Variants in TANC2 observed in about 807,000 individuals in gnomAD.
TANC2 encodes protein TANC2.
TANC2 carries 26 observed loss-of-function variants against 210.5 expected under a neutral mutation model. The observed-to-expected ratio is 0.12, with a 90% CI of 0.09 to 0.17. The LOEUF (loss-of-function observed/expected upper bound fraction) is 0.17, where lower values mean the gene tolerates loss of function less well. Among genes scored for constraint, TANC2 ranks in the 10% least tolerant of loss-of-function variants. The pLI, the probability that TANC2 is intolerant of heterozygous loss-of-function variation, is 1.00. For synonymous variants in TANC2, 931 were observed against 967.1 expected (o/e 0.96, Z 0.69); for missense variants, 2,129 against 2,608.9 (o/e 0.82, Z 4.01).
intron 2 of TANC2, among the ~76,000 whole-genome samples, chr17:63,039,892 A>G (rs1183671323): frequency 6.6e-6 from 1 of 152,158 alleles, no homozygotes; most frequent in Non-Finnish European, 1.5e-5. Flanking sequence ...TATTTATACT[A>G]AACATGTGTA....
chr17:63,245,544 C>G (rs2042891564), intron 8 of TANC2, among the ~76,000 whole-genome samples: 1 of 151,842 alleles, frequency 6.6e-6, no homozygotes, highest in Non-Finnish European at 1.5e-5. Flanking sequence ...CCCGTCTCTA[C>G]TAAAAATACA....
chr17:63,295,970 C>T (rs955879238), intron 9 of TANC2, among the ~76,000 whole-genome samples: 1 of 152,108 alleles, frequency 6.6e-6, no homozygotes, highest in African/African-American at 2.4e-5. Context: ...GCTGATCTTT[C>T]TATTTCCTGT....
At chr17:63,185,107 A>T (rs893253158) in intron 5 of TANC2, among the ~76,000 whole-genome samples, 2 of 151,384 alleles carry the variant, frequency 1.3e-5, no homozygotes, top group Admixed American at 6.6e-5. Flanking sequence ...CCATCCTCTT[A>T]CTTTACCCAC....
intron 5 of TANC2, among the ~76,000 whole-genome samples, chr17:63,191,031 C>T (rs1276322653): frequency 6.6e-6 from 1 of 151,868 alleles, no homozygotes; most frequent in African/African-American, 2.4e-5. Flanking sequence ...ACTGGCCAGA[C>T]TTTTTTCTCC....
intron 4 of TANC2, among the ~76,000 whole-genome samples, chr17:63,128,124 A>G (rs1261633916): frequency 1.3e-5 from 2 of 152,208 alleles, no homozygotes; most frequent in Non-Finnish European, 2.9e-5. Flanking sequence ...TTCTAGGAAA[A>G]TTATGTTAAA....
chr17:63,256,244 T>C (rs1196531700), intron 8 of TANC2, among the ~76,000 whole-genome samples: 1 of 152,160 alleles, frequency 6.6e-6, no homozygotes, highest in Non-Finnish European at 1.5e-5. Flanking sequence ...TGCTGTAAAT[T>C]TTCCTCTTAA....
chr17:63,257,212 GTTC>G (rs1279211743), intron 8 of TANC2, among the ~76,000 whole-genome samples: 5 of 151,268 alleles, frequency 3.3e-5, no homozygotes, highest in African/African-American at 1.2e-4. Flanking sequence ...ATTGTTTTGT[GTTC>G]TTCTTTATTT....
At chr17:63,143,980 C>A (rs2039379154) in intron 4 of TANC2, among the ~76,000 whole-genome samples, 1 of 151,836 alleles carries the variant, frequency 6.6e-6, no homozygotes, top group Admixed American at 6.6e-5. Flanking sequence ...TAGTGAGACC[C>A]TGTCTTTAAA....
chr17:63,219,919 C>A (rs1314132028), intron 7 of TANC2, among the ~76,000 whole-genome samples: 1 of 152,030 alleles, frequency 6.6e-6, no homozygotes, highest in Admixed American at 6.6e-5. Flanking sequence ...TTTATACTAC[C>A]TGATTTGAGG....
At chr17:63,192,504 A>G (rs939032801) in intron 5 of TANC2, among the ~76,000 whole-genome samples, 6 of 152,222 alleles carry the variant, frequency 3.9e-5, no homozygotes, top group African/African-American at 7.2e-5. Flanking sequence ...TATTATTACA[A>G]GTTATCTCTT....
intron 2 of TANC2, among the ~76,000 whole-genome samples, chr17:63,072,251 A>T (rs562160282): frequency 1.4e-4 from 21 of 152,114 alleles, no homozygotes; most frequent in Non-Finnish European, 2.9e-5. Context: ...AAAAGAATCC[A>T]TATTTATAGA....
chr17:63,188,733 T>G (rs1423960039), intron 5 of TANC2, among the ~76,000 whole-genome samples: 1 of 152,212 alleles, frequency 6.6e-6, no homozygotes, highest in Non-Finnish European at 1.5e-5. Context: ...CATGGTTCTA[T>G]CTGTACTGTT....
intron 9 of TANC2, among the ~76,000 whole-genome samples, chr17:63,310,436 G>A (rs1598827158): frequency 6.6e-6 from 1 of 151,772 alleles, no homozygotes; most frequent in East Asian, 1.9e-4. Flanking sequence ...CGACAAAGCA[G>A]GATTCCATCT....
chr17:63,193,735 G>A (rs1386964717), intron 5 of TANC2, among the ~76,000 whole-genome samples: 1 of 152,070 alleles, frequency 6.6e-6, no homozygotes, highest in African/African-American at 2.4e-5. Context: ...CTCATTTTAG[G>A]TAAAATTTTT....
chr17:63,136,034 C>G (rs2039079181), intron 4 of TANC2, among the ~76,000 whole-genome samples: 1 of 152,118 alleles, frequency 6.6e-6, no homozygotes, highest in African/African-American at 2.4e-5. Context: ...CTGAGTTTTG[C>G]TATTCACTGC....
intron 10 of TANC2, 70 bp from the exon 11 acceptor site, chr17:63,318,886 TG>T (rs1450352785): frequency 6.5e-7 from 1 of 1,550,050 alleles, no homozygotes; most frequent in Non-Finnish European, 8.9e-7. Context: ...ATAGAACAAA[TG>T]GAATTTAGCC....
chr17:63,134,690 G>A (rs2039030465), intron 4 of TANC2, among the ~76,000 whole-genome samples: 1 of 152,110 alleles, frequency 6.6e-6, no homozygotes, highest in African/African-American at 2.4e-5. Context: ...TAAAGACAAG[G>A]AATCCAAGCT....
At chr17:63,389,353 A>G (rs538509974) in exon 17 of TANC2, 2 of 1,613,924 alleles carry the variant, frequency 1.2e-6, no homozygotes, top group Non-Finnish European at 1.7e-6. Flanking sequence ...TAATTACCGG[A>G]CAGAGGTTTT....
chr17:63,239,931 G>T (rs1361447071), intron 8 of TANC2, among the ~76,000 whole-genome samples: 1 of 152,044 alleles, frequency 6.6e-6, no homozygotes, highest in Non-Finnish European at 1.5e-5. Flanking sequence ...GGAGGAGGAG[G>T]AGGTTGCACA....
Sources: gnomAD v4.1 joint callset for allele counts (sites outside exome capture counted in the v4.1 genomes callset) on GRCh38, gnomAD v4.1.1 for gene constraint, MANE v1.5 for transcripts, NCBI Gene and HGNC (gene_info 2026-07-23, HGNC 2026-07-21) for gene names.